The following IP6K2 variants were observed in gnomAD, a reference collection of about 807,000 sequenced individuals.
The protein encoded by IP6K2 is inositol hexakisphosphate kinase 2.
In IP6K2, 9 loss-of-function variants were observed where a neutral mutation model predicts 43.3. The observed-to-expected ratio is 0.21, with a 90% CI of 0.13 to 0.36. IP6K2 has a LOEUF of 0.36. Among genes scored for constraint, IP6K2 ranks in the 10% least tolerant of loss-of-function variants. The pLI is 1.00. For synonymous variants in IP6K2, 209 were observed against 202.4 expected, an observed-to-expected ratio of 1.03 and a Z score of -0.28; for missense variants, 332 against 538.4, an observed-to-expected ratio of 0.62 and a Z score of 3.79.
At chr3:48,713,034 T>A (rs1008310710) in intron 1 of IP6K2, among the ~76,000 whole-genome samples, 2 of 151,882 alleles carry the variant, frequency 1.3e-5, no homozygotes, top group East Asian at 1.9e-4. Context: ...ATAATAATAA[T>A]AAATATATAA....
At chr3:48,708,021 A>G (rs949744112) in intron 1 of IP6K2, 1 of 152,090 alleles carries the variant, frequency 6.6e-6, no homozygotes, top group African/African-American at 2.4e-5. Flanking sequence ...CTTTCAGTCT[A>G]CCGAGAAATA....
intron 3 of IP6K2, among the ~76,000 whole-genome samples, chr3:48,692,293 C>T (rs1406882080): frequency 3.3e-5 from 5 of 152,114 alleles, no homozygotes; most frequent in African/African-American, 9.7e-5. Context: ...GACCAGTCAA[C>T]CACTATTTTC....
At chr3:48,696,136 G>T (rs1163221873) in intron 1 of IP6K2, among the ~76,000 whole-genome samples, 2 of 151,808 alleles carry the variant, frequency 1.3e-5, no homozygotes, top group African/African-American at 2.4e-5. Context: ...TGCCCATTCG[G>T]TCTCCCAAAG....
intron 4 of IP6K2, among the ~76,000 whole-genome samples, chr3:48,690,810 AAAG>A (rs2077713002): frequency 6.7e-6 from 1 of 149,440 alleles, no homozygotes; most frequent in South Asian, 2.1e-4. Context: ...AAAAGAAAAA[AAAG>A]AGAGAGAGAG....
intron 3 of IP6K2, among the ~76,000 whole-genome samples, chr3:48,692,086 G>C (rs1438152925): frequency 6.6e-6 from 1 of 152,092 alleles, no homozygotes; most frequent in East Asian, 1.9e-4. Flanking sequence ...GCCCGCCCTG[G>C]CGTCCTGAAG....
In IP6K2 at chr3:48,688,808, G is replaced by A. The variant is rs758660945; in HGVS notation, c.781-35C>T. ...AGAGACCAGCAAGTCAGGGGCTGAG[G>A]GCCATCTCAAACCCTGGACCCCGGG... On this transcript the variant is annotated intron_variant, in intron 5 of 5. Coordinates refer to ENST00000328631, the MANE Select transcript of IP6K2 (RefSeq NM_016291.4). This position sits in a 1 kb window ranked among gnomAD's most constrained non-coding sequence, Gnocchi z 5.1. 6.4e-6 allele frequency: 10 copies of A among 1,570,568 alleles called. No individual in the cohort carries two copies. Among genetic ancestry groups the A allele is most frequent in the Middle Eastern group, 1.7e-4 (1 of 5,764 alleles).
chr3:48,688,531 G>A lies in IP6K2; in HGVS notation c.1023C>T (p.Pro341=), dbSNP rs768166028. The change falls in exon 6 of 6, where the codon CCC becomes CCT. Residue 341 remains proline, a synonymous_variant. Coordinates refer to ENST00000328631, the MANE Select transcript of IP6K2 (RefSeq NM_016291.4). The surrounding 1 kb of genome is among the most constrained non-coding windows in gnomAD (Gnocchi z 5.1). The stretch of plus-strand genomic sequence containing the variant: ...CAGCATCTGAGTCCAGGACCACTTC[G>A]GGCCGCTCCTTGCCATCATAAATGA... The part of the protein sequence containing the change: ...LLVIYDGKER[P]EVVLDSDAED... 60 of 1,614,068 alleles carry A rather than the reference G, an allele frequency of 3.7e-5. No homozygotes were observed. The highest frequency in any genetic ancestry group is 4.7e-5 in the Non-Finnish European group (56 of 1,180,046).
At position 48,702,513 on chromosome 3, in the gene IP6K2, G is replaced by A. The variant is rs73080319; in HGVS notation, c.-130-7092C>T. On this transcript the variant is annotated intron_variant, in intron 1 of 5. Transcript: ENST00000328631. ...GCTAAAAGTGCAGTGGCGTAATCAC[G>A]GCTCACTGCAGCCTCAAACTCCTGG... is the stretch of plus-strand genomic sequence containing the variant. Among the ~76,000 whole-genome samples the A allele has an allele frequency of 9.3e-3, 1,390 of 150,046 alleles. 5 individuals carry two copies. The highest frequency in any genetic ancestry group is 0.011 in the African/African-American group (468 of 40,896).
chr3:48,693,984 G>A (rs1028267456), intron 2 of IP6K2: 9 of 1,373,218 alleles, frequency 6.6e-6, no homozygotes, highest in South Asian at 1.8e-5. Context: ...GCCGACGAGC[G>A]CCTTACAAAC....
In IP6K2 at chr3:48,695,048, C is replaced by T. The variant is rs965662769; in HGVS notation, c.202+42G>A. 2.5e-6 allele frequency: 4 copies of T among 1,614,186 alleles called. No individual in the cohort carries two copies. In the African/African-American group the frequency reaches 5.3e-5, roughly 22 times the overall value. On this transcript the variant is annotated intron_variant, in intron 2 of 5. Transcript: ENST00000328631. The surrounding 1 kb of genome is among the most constrained non-coding windows in gnomAD (Gnocchi z 4.6). ...CTTCCATGGCCACGATCTCTCACATCTCCTCGCCAGTGTGGCAACCCCTCC... is the reference window on the plus strand; with the variant it reads ...CTTCCATGGCCACGATCTCTCACATTTCCTCGCCAGTGTGGCAACCCCTCC...
intron 1 of IP6K2, among the ~76,000 whole-genome samples, chr3:48,705,410 G>A (rs1461645066): frequency 6.6e-6 from 1 of 152,060 alleles, no homozygotes; most frequent in East Asian, 1.9e-4. Context: ...CGGGCGCGGT[G>A]GCTCACATCT....
At position 48,688,844 on chromosome 3, in the gene IP6K2, G is replaced by T. The variant is rs2077537240; in HGVS notation, c.781-71C>A. Reference sequence around the variant, plus strand: ...ACCCTGGACCCCGGGCGGGGGTGGGGTGGTGTGGTGGTGGCGGCATGTGAC... The same window carrying T: ...ACCCTGGACCCCGGGCGGGGGTGGGTTGGTGTGGTGGTGGCGGCATGTGAC... On this transcript the variant is annotated intron_variant, in intron 5 of 5. Transcript: ENST00000328631. This position sits in a 1 kb window ranked among gnomAD's most constrained non-coding sequence, Gnocchi z 5.1. The T allele has an allele frequency of 5.3e-6, 8 of 1,499,634 alleles. No individual in the cohort carries two copies. Among genetic ancestry groups the T allele is most frequent in the Non-Finnish European group, 6.3e-6 (7 of 1,117,728 alleles). The allele number at this position is 1,499,634 out of a possible 1,614,324, so 92.9% of individuals were successfully genotyped here.
chr3:48,701,842 G>A (rs905736007), intron 1 of IP6K2, among the ~76,000 whole-genome samples: 1 of 152,264 alleles, frequency 6.6e-6, no homozygotes, highest in Non-Finnish European at 1.5e-5. Flanking sequence ...AGGTTGCAGT[G>A]AGCTGAGATC....
At chr3:48,705,905 AAAAT>A (rs1277158578) in intron 1 of IP6K2, among the ~76,000 whole-genome samples, 1 of 83,950 alleles carries the variant, frequency 1.2e-5, no homozygotes, top group Non-Finnish European at 2.5e-5. Flanking sequence ...AAAATAAAAT[AAAAT>A]AAAAAAAAAC....
intron 2 of IP6K2, 122 bp downstream of exon 2, chr3:48,694,968 G>A (rs2078162069): frequency 2.5e-6 from 4 of 1,593,530 alleles, no homozygotes; most frequent in African/African-American, 2.7e-5. Context: ...AGGAGGAGAG[G>A]GAGGGAAAGC....
rs1473720004 is a variant in IP6K2, at chr3:48,689,826, G to C, written c.605-113C>G. On this transcript the variant is annotated intron_variant, in intron 4 of 5. Coordinates refer to ENST00000328631, the MANE Select transcript of IP6K2 (RefSeq NM_016291.4). ...CCCAGAGAAGCCTGAACCCACAGGA[G>C]ACTCCATTAGTCCTGCCATCCCCGA... 6.2e-6 allele frequency: 5 copies of C among 804,888 alleles called. No homozygotes were observed. In the African/African-American group the frequency reaches 8.6e-5, roughly 14 times the overall value. The allele number at this position is 804,888 out of a possible 1,614,324, so 49.9% of individuals were successfully genotyped here. A position where few individuals can be genotyped will look rare whatever the true frequency, so the allele number is the denominator to read the frequency against.
chr3:48,716,496 T>C (rs2081208303), intron 1 of IP6K2: 2 of 152,150 alleles, frequency 1.3e-5, no homozygotes, highest in Non-Finnish European at 2.9e-5. Context: ...AAATAAGCCA[T>C]TAGGATGCAA....
intron 2 of IP6K2, chr3:48,694,820 G>GAC (rs2078139126): frequency 3.3e-6 from 5 of 1,536,436 alleles, no homozygotes; most frequent in Non-Finnish European, 4.4e-6. Context: ...GTGATCAAGA[G>GAC]ACACCTGAAC....
intron 1 of IP6K2, among the ~76,000 whole-genome samples, chr3:48,701,567 C>CA (rs67509214): frequency 3.6e-4 from 17 of 47,444 alleles, no homozygotes; most frequent in South Asian, 1.6e-3. Context: ...GACTCCGTCT[C>CA]AAAAAAAAAA....
Sources: allele counts gnomAD v4.1 joint callset (sites outside exome capture counted in the v4.1 genomes callset), GRCh38; gene constraint gnomAD v4.1.1; non-coding constraint Gnocchi (gnomAD v3.1); transcripts MANE v1.5; gene names NCBI Gene and HGNC (gene_info 2026-07-23, HGNC 2026-07-21).